SREK1IP1: variants seen among roughly 807,000 people sequenced by gnomAD.
SREK1IP1 encodes the protein protein SREK1IP1.
SREK1IP1 carries 12 observed loss-of-function variants against 22.8 expected under a neutral mutation model. The ratio of observed to expected loss-of-function variants is 0.53; its 90% CI spans 0.34 to 0.85. SREK1IP1 has a LOEUF of 0.85. SREK1IP1 is among the 40% of genes least tolerant of loss of function. The probability of loss-of-function intolerance (pLI) is 0.02; values close to 1 mark genes in which losing one functional copy is unlikely to be tolerated. For missense variants in SREK1IP1, 147 were observed against 171.8 expected (o/e 0.86, Z 0.81); for synonymous variants, 53 against 52.7 (o/e 1.01, Z -0.02).
intron 2 of SREK1IP1, among the ~76,000 whole-genome samples, 191 bp downstream of exon 2, chr5:64,754,124 A>T (rs755258508): frequency 6.6e-6 from 1 of 152,214 alleles, no homozygotes; most frequent in Non-Finnish European, 1.5e-5. Context: ...GCTACCTGTT[A>T]CTGGGTCTAA....
In SREK1IP1 at chr5:64,719,273, A is replaced by G. The variant is rs1009591435; in HGVS notation, c.*5111T>C. 6.6e-6 allele frequency: 1 copy of G among 152,216 alleles called. No individual in the cohort carries two copies. Among genetic ancestry groups the G allele is most frequent in the Non-Finnish European group, 1.5e-5 (1 of 68,036 alleles). The allele number at this position is 152,216 out of a possible 1,614,324, so 9.4% of individuals were successfully genotyped here. On this transcript the variant is annotated 3_prime_UTR_variant, in exon 5 of 5. Transcript: ENST00000513458. ...ACTGGCACCATAGTGCCAGATCACT[A>G]TTGCAACAACCTACTGCCAAAGTTG... is the stretch of plus-strand genomic sequence containing the variant.
chr5:64,767,919 C>T (rs1426125709), intron 1 of SREK1IP1, among the ~76,000 whole-genome samples: 2 of 152,176 alleles, frequency 1.3e-5, no homozygotes, highest in African/African-American at 4.8e-5. Context: ...GTTTTTAGGT[C>T]AGTAACTTCT....
chr5:64,726,896 GATC>G (rs1742277466), intron 4 of SREK1IP1, among the ~76,000 whole-genome samples: 2 of 152,180 alleles, frequency 1.3e-5, no homozygotes, highest in Admixed American at 1.3e-4. Flanking sequence ...AAAGTTGAAA[GATC>G]ATATCAAACC....
chr5:64,739,308 T>A (rs986766025), intron 3 of SREK1IP1, among the ~76,000 whole-genome samples: 1 of 152,118 alleles, frequency 6.6e-6, no homozygotes, highest in Non-Finnish European at 1.5e-5. Context: ...GGTTAGTGTG[T>A]CCCAGTCTAA....
chr5:64,760,765 A>T (rs1165509148), intron 1 of SREK1IP1, among the ~76,000 whole-genome samples: 2 of 152,216 alleles, frequency 1.3e-5, no homozygotes, highest in Non-Finnish European at 2.9e-5. Context: ...CTGGCGAGCC[A>T]TCTTTTCATG....
At position 64,718,577 on chromosome 5, in the gene SREK1IP1, A is replaced by AT. The variant is rs1397860184; in HGVS notation, c.*5806dup. The AT allele has an allele frequency of 2.6e-5, 4 of 152,212 alleles. No individual in the cohort carries two copies. The highest frequency in any genetic ancestry group is 5.9e-5 in the Non-Finnish European group (4 of 68,014). The allele number at this position is 152,212 out of a possible 1,614,324, so 9.4% of individuals were successfully genotyped here. On this transcript the variant is annotated 3_prime_UTR_variant, in exon 5 of 5. Coordinates refer to ENST00000513458, the MANE Select transcript of SREK1IP1 (RefSeq NM_173829.4). Reference sequence around the variant, plus strand: ...AAATATTTTGTTTCAAGAGATAAGCATAACAAAAAATCCTTTGCTGATATA... The same window carrying AT: ...AAATATTTTGTTTCAAGAGATAAGCATTAACAAAAAATCCTTTGCTGATATA...
chr5:64,739,546 T>C (rs569133091), intron 3 of SREK1IP1, among the ~76,000 whole-genome samples: 25 of 152,152 alleles, frequency 1.6e-4, no homozygotes, highest in South Asian at 4.1e-4. Context: ...TTCACAGCTT[T>C]CCACACTGCT....
Position 64,724,494 on chromosome 5 carries a change from CT to C in SREK1IP1, c.357del (p.Glu120LysfsTer38), listed in dbSNP as rs760925189. ...KQKYQKKEKKKEKKSKSKKGK... is the reference protein window; with the variant it reads ...KQKYQKKEKKXEKKSKSKKGK... Reference sequence around the variant, plus strand: ...CCTTTTTTTGATTTACTCTTTTTTTCTTTTTTCTTTTCTTTCTTCTGATATT... The same window carrying C: ...CCTTTTTTTGATTTACTCTTTTTTTCTTTTTCTTTTCTTTCTTCTGATATT... On this transcript the variant is annotated frameshift_variant, in exon 5 of 5. Transcript: ENST00000513458. LOFTEE classifies it high-confidence loss of function. The C allele has an allele frequency of 8.2e-6, 13 of 1,581,786 alleles. No homozygotes were observed. In the South Asian group the frequency reaches 1.6e-4, roughly 19 times the overall value.
intron 1 of SREK1IP1, among the ~76,000 whole-genome samples, chr5:64,756,761 G>A (rs568841216): frequency 1.3e-5 from 2 of 151,872 alleles, no homozygotes; most frequent in South Asian, 2.1e-4. Context: ...TGAGTAGCTG[G>A]GACTACAGGC....
intron 3 of SREK1IP1, among the ~76,000 whole-genome samples, chr5:64,737,847 C>T (rs1348298082): frequency 6.6e-6 from 1 of 152,066 alleles, no homozygotes; most frequent in Admixed American, 6.6e-5. Context: ...GAATACACTC[C>T]TTGAAACATA....
At chr5:64,726,462 G>A (rs1213444912) in intron 4 of SREK1IP1, among the ~76,000 whole-genome samples, 2 of 151,570 alleles carry the variant, frequency 1.3e-5, no homozygotes, top group South Asian at 2.1e-4. Context: ...TGTAGTCCCA[G>A]CTACTGGGGA....
At chr5:64,725,659 A>C (rs796840543) in intron 4 of SREK1IP1, among the ~76,000 whole-genome samples, 4 of 151,972 alleles carry the variant, frequency 2.6e-5, no homozygotes, top group African/African-American at 9.7e-5. Context: ...ACTTACTTAG[A>C]CTTCCAATCA....
Position 64,741,162 on chromosome 5 carries a change from C to T in SREK1IP1, c.100G>A (p.Val34Ile). The T allele has an allele frequency of 6.2e-7, 1 of 1,612,156 alleles. No homozygotes were observed. Among genetic ancestry groups the T allele is most frequent in the Non-Finnish European group, 8.5e-7 (1 of 1,178,972 alleles). Residue 34 changes from valine to isoleucine, a missense_variant, in exon 3 of 5, where the codon GTA becomes ATA. Val to Ile is a conservative substitution (Grantham distance 29). This residue lies in a region of SREK1IP1 where 62 missense variants were observed against 73.3 expected (regional missense o/e 0.85). Coordinates refer to ENST00000513458, the MANE Select transcript of SREK1IP1 (RefSeq NM_173829.4). Reference sequence around the variant, plus strand: ...AAAACTATGTCCCTTTTAGGGTCTACTCGGAGAAAATTGCGGCATTCAAAA... The same window carrying T: ...AAAACTATGTCCCTTTTAGGGTCTATTCGGAGAAAATTGCGGCATTCAAAA... ...LTFECRNFLRVDPKRDIVLDV... is the reference protein window; with the variant it reads ...LTFECRNFLRIDPKRDIVLDV...
At position 64,768,688 on chromosome 5, in the gene SREK1IP1, A is replaced by G. The variant is rs889219900; in HGVS notation, c.-171T>C. 5 of 786,450 alleles carry G rather than the reference A, an allele frequency of 6.4e-6. No individual in the cohort carries two copies. In the Admixed American group the frequency reaches 1.2e-4, roughly 19 times the overall value. The allele number at this position is 786,450 out of a possible 1,614,324, so 48.7% of individuals were successfully genotyped here. A position where few individuals can be genotyped will look rare whatever the true frequency, so the allele number is the denominator to read the frequency against. The stretch of plus-strand genomic sequence containing the variant: ...CGCCTCTAGCGACGGCAGAACCAGT[A>G]GATGCGGATGCAGTTTCCGGACGAG... On this transcript the variant is annotated 5_prime_UTR_variant, in exon 1 of 5. Coordinates refer to ENST00000513458, the MANE Select transcript of SREK1IP1 (RefSeq NM_173829.4).
intron 2 of SREK1IP1, among the ~76,000 whole-genome samples, chr5:64,750,603 A>G (rs1742725324): frequency 6.6e-6 from 1 of 152,220 alleles, no homozygotes; most frequent in South Asian, 2.1e-4. Context: ...GACTTTCTCA[A>G]ACTGGTACCT....
chr5:64,742,648 G>C (rs1239992662), intron 2 of SREK1IP1, among the ~76,000 whole-genome samples: 1 of 152,092 alleles, frequency 6.6e-6, no homozygotes, highest in East Asian at 1.9e-4. Flanking sequence ...ATTTGGCTTG[G>C]GCAGGGCCCT....
intron 2 of SREK1IP1, among the ~76,000 whole-genome samples, chr5:64,748,544 T>C (rs1431562044): frequency 6.6e-6 from 1 of 152,234 alleles, no homozygotes; most frequent in Non-Finnish European, 1.5e-5. Flanking sequence ...GGCATAGTAT[T>C]AAATCTTACA....
chr5:64,726,589 A>G (rs1297148674), intron 4 of SREK1IP1, among the ~76,000 whole-genome samples: 1 of 151,950 alleles, frequency 6.6e-6, no homozygotes, highest in Non-Finnish European at 1.5e-5. Flanking sequence ...AAAAAAAAAA[A>G]AAAAGAAATA....
chr5:64,743,583 G>A (rs185183739), intron 2 of SREK1IP1, among the ~76,000 whole-genome samples: 99 of 152,082 alleles, frequency 6.5e-4, no homozygotes, highest in Non-Finnish European at 1.2e-3. Context: ...TACAAGTATT[G>A]ATTTGTCAAT....
Sources: allele counts gnomAD v4.1 joint callset (sites outside exome capture counted in the v4.1 genomes callset), GRCh38; gene constraint gnomAD v4.1.1; regional missense constraint gnomAD v4.1.1; transcripts MANE v1.5; gene names NCBI Gene and HGNC (gene_info 2026-07-23, HGNC 2026-07-21).